Variants in TPO observed in about 807,000 individuals in gnomAD.
TPO encodes thyroid microsomal antigen.
Under a neutral mutation model 96.9 loss-of-function variants are expected in TPO, and 78 were observed. The ratio of observed to expected loss-of-function variants is 0.81; its 90% confidence interval spans 0.67 to 0.97. TPO has a LOEUF of 0.97. Ranked by LOEUF, TPO falls within the 50% of genes least tolerant of loss-of-function variation. The probability of loss-of-function intolerance (pLI) is 0.00; values close to 1 mark genes in which losing one functional copy is unlikely to be tolerated. For synonymous variants in TPO, 547 were observed against 538.0 expected, an observed-to-expected ratio of 1.02 and a Z score of -0.23; for missense variants, 1,252 against 1,274.8, an observed-to-expected ratio of 0.98 and a Z score of 0.27.
At chr2:1,531,061 ATGTGCAACCTCCTCAAATCCCCCCACTG>A (rs1558424126) in intron 15 of TPO, among the ~76,000 whole-genome samples, 1 of 2,960 alleles carries the variant, frequency 3.4e-4, no homozygotes, top group East Asian at 8.3e-3. Context: ...TACCCCCACT[ATGTGCAACCTCCTCAAATCCCCCCACTG>A]TGTGCAACCT....
At chr2:1,524,497 C>CG (rs1675966412) in intron 15 of TPO, among the ~76,000 whole-genome samples, 1 of 126,796 alleles carries the variant, frequency 7.9e-6, no homozygotes, top group Non-Finnish European at 1.6e-5. Context: ...TCCTCAAATC[C>CG]TCCCACTGTG....
chr2:1,540,904 G>C, intron 16 of TPO, 181 bp downstream of exon 16: 1 of 1,544,686 alleles, frequency 6.5e-7, no homozygotes, highest in Non-Finnish European at 8.7e-7. Flanking sequence ...GCCAGAATGT[G>C]AGCCTGCTTA....
rs1431755808 is a variant in TPO at position 1,501,956 on chromosome 2, A to G, written c.2387-1992A>G. Among the ~76,000 whole-genome samples the G allele has an allele frequency of 2.0e-5, 3 of 152,148 alleles. No individual in the cohort carries two copies. The East Asian group carries it at 5.8e-4, about 29-fold the overall frequency. Reference sequence around the variant, plus strand: ...ACTCATAAGGATGAGTCTGAACTGCAGGGATGGGGTGAGGAGAGGGGGCAG... The same window carrying G: ...ACTCATAAGGATGAGTCTGAACTGCGGGGATGGGGTGAGGAGAGGGGGCAG... On this transcript the variant is annotated intron_variant, in intron 13 of 16. Coordinates refer to ENST00000329066, the MANE Select transcript of TPO (RefSeq NM_001206744.2).
intron 15 of TPO, among the ~76,000 whole-genome samples, chr2:1,529,832 TCCC>T (rs1339756078): frequency 4.0e-3 from 329 of 83,252 alleles, no homozygotes; most frequent in Middle Eastern, 8.6e-3. Flanking sequence ...CCTCCCCAAA[TCCC>T]CCCGACGCTG....
intron 15 of TPO, among the ~76,000 whole-genome samples, chr2:1,528,983 A>G (rs867135251): frequency 6.1e-5 from 7 of 114,322 alleles, no homozygotes; most frequent in Middle Eastern, 7.2e-3. Flanking sequence ...ACTGTGAGTA[A>G]CCTCCTAAAA....
Position 1,406,235 on chromosome 2 carries a change from T to C in TPO, n.180+31833T>C, listed in dbSNP as rs1399789075. Reference sequence around the variant, plus strand: ...CACCACTCAGATTAGGGAAATCCACTTGGCAAGGGAAGCCATGCATTCTAA... The same window carrying C: ...CACCACTCAGATTAGGGAAATCCACCTGGCAAGGGAAGCCATGCATTCTAA... On this transcript the variant is annotated intron_variant and non_coding_transcript_variant, in intron 1 of 5. Coordinates refer to the TPO transcript ENST00000497517. Among the ~76,000 whole-genome samples the C allele has an allele frequency of 2.0e-5, 3 of 152,338 alleles. No individual in the cohort carries two copies. In the East Asian group the frequency reaches 5.8e-4, roughly 29 times the overall value.
chr2:1,476,987 C>A, intron 7 of TPO, 99 bp from the exon 8 acceptor site: 2 of 1,430,628 alleles, frequency 1.4e-6, no homozygotes, highest in Non-Finnish European at 1.9e-6. Context: ...GGCAGAGAAA[C>A]GTGCGGCGCT....
At chr2:1,508,900 A>T (rs1367355710) in intron 14 of TPO, among the ~76,000 whole-genome samples, 2 of 152,044 alleles carry the variant, frequency 1.3e-5, no homozygotes, top group Non-Finnish European at 2.9e-5. Context: ...TTCTGCTCTG[A>T]TCTTCGTTAT....
At chr2:1,523,274 C>T (rs1161204372) in intron 15 of TPO, among the ~76,000 whole-genome samples, 1 of 39,610 alleles carries the variant, frequency 2.5e-5, no homozygotes, top group Non-Finnish European at 4.6e-5. Flanking sequence ...CCAAATCCCC[C>T]CACTGTGAGC....
chr2:1,487,565 T>G (rs1332917824), intron 9 of TPO, among the ~76,000 whole-genome samples: 4 of 152,120 alleles, frequency 2.6e-5, no homozygotes, highest in African/African-American at 9.7e-5. Context: ...AAACCCCATC[T>G]CTACTAAAAA....
rs1319179901 is a variant in TPO, at chr2:1,404,688, T to C, written n.180+30286T>C. The stretch of plus-strand genomic sequence containing the variant: ...CTCTTGGATGTTTGGTCTCCAGAAC[T>C]GTGAAGAAACAAATGTCCGTGGTTT... On this transcript the variant is annotated intron_variant and non_coding_transcript_variant, in intron 1 of 5. Transcript: ENST00000497517. Among the ~76,000 whole-genome samples the C allele has an allele frequency of 3.9e-5, 6 of 152,174 alleles. 1 individual carries two copies. The highest frequency in any genetic ancestry group is 3.3e-4 in the Admixed American group (5 of 15,282).
At chr2:1,448,670 G>A (rs998219439) in intron 5 of TPO, among the ~76,000 whole-genome samples, 4 of 152,204 alleles carry the variant, frequency 2.6e-5, no homozygotes, top group Non-Finnish European at 5.9e-5. Context: ...GTTTTTCCAC[G>A]AGAGCAGTGG....
At chr2:1,501,916 C>T in intron 13 of TPO, among the ~76,000 whole-genome samples, 1 of 152,124 alleles carries the variant, frequency 6.6e-6, no homozygotes, top group Admixed American at 6.6e-5. Context: ...TGATTTTTCC[C>T]AGCAGCCACA....
intron 5 of TPO, among the ~76,000 whole-genome samples, chr2:1,453,261 A>G (rs2148579957): frequency 6.6e-6 from 1 of 152,326 alleles, no homozygotes; most frequent in African/African-American, 2.4e-5. Context: ...CAGGCGCGAC[A>G]CCCTGGTGGC....
chr2:1,510,293 C>T (rs1029761910), intron 14 of TPO, among the ~76,000 whole-genome samples: 4 of 152,176 alleles, frequency 2.6e-5, no homozygotes, highest in African/African-American at 9.6e-5. Flanking sequence ...CCTAAGAAAG[C>T]GGATTCAGAA....
In TPO at chr2:1,420,370, C is replaced by G. The variant is rs369593332; in HGVS notation, c.95-2675C>G. Among the ~76,000 whole-genome samples, 4 of 152,074 alleles carry G rather than the reference C, an allele frequency of 2.6e-5. 1 individual carries two copies. Among genetic ancestry groups the G allele is most frequent in the African/African-American group, 9.7e-5 (4 of 41,390 alleles). ...CTGAAAACCAGCCTTTGGTCTTGGT[C>G]GTGAATAGCGCAGAACTTTGCAGAG... is the stretch of plus-strand genomic sequence containing the variant. On this transcript the variant is annotated intron_variant, in intron 2 of 16. Transcript: ENST00000329066.
rs1170191261 is a variant in TPO at position 1,531,694 on chromosome 2, T to C, written c.2619-8900T>C. ...CAATCTCCCCAAATCCCGCCCACTC[T>C]TTGCAACCTCGCCAAATCCCCCCCA... On this transcript the variant is annotated intron_variant, in intron 15 of 16. Coordinates refer to ENST00000329066, the MANE Select transcript of TPO (RefSeq NM_001206744.2). 2.3e-5 allele frequency among the ~76,000 whole-genome samples: 2 copies of C among 88,070 alleles called. 1 individual carries two copies. The highest frequency in any genetic ancestry group is 4.6e-5 in the Non-Finnish European group (2 of 43,212). 57.8% of individuals were successfully genotyped at this position (88,070 alleles called of 152,430 possible). A position where few individuals can be genotyped will look rare whatever the true frequency, so the allele number is the denominator to read the frequency against.
chr2:1,450,079 C>T (rs4927609), intron 5 of TPO, among the ~76,000 whole-genome samples: 58,923 of 152,054 alleles, frequency 0.39, 11,559 homozygotes, highest in South Asian at 0.48. Context: ...CCGCTGCTGC[C>T]CCGCTGAGAA....
At chr2:1,405,510 T>C (rs1662237782) in intron 1 of TPO, among the ~76,000 whole-genome samples, 1 of 151,894 alleles carries the variant, frequency 6.6e-6, no homozygotes, top group Non-Finnish European at 1.5e-5. Context: ...CATCCATCTA[T>C]CCACCCACCA....
Sources: allele counts gnomAD v4.1 joint callset (sites outside exome capture counted in the v4.1 genomes callset), GRCh38; gene constraint gnomAD v4.1.1; transcripts MANE v1.5; gene names NCBI Gene and HGNC (gene_info 2026-07-23, HGNC 2026-07-21).